KIF2C: variants seen among roughly 807,000 people sequenced by gnomAD.
KIF2C encodes the protein kinesin family member 2C.
A neutral mutation model predicts 97.4 loss-of-function variants in KIF2C; 34 were observed. That is an observed-to-expected ratio of 0.35 (90% CI 0.27 to 0.46). The LOEUF (loss-of-function observed/expected upper bound fraction) is 0.46. Ranked by LOEUF, KIF2C falls within the 20% of genes least tolerant of loss-of-function variation. KIF2C has a pLI of 1.00. For missense variants in KIF2C, 750 were observed against 907.6 expected, an observed-to-expected ratio of 0.83 and a Z score of 2.23; for synonymous variants, 313 against 318.2, an observed-to-expected ratio of 0.98 and a Z score of 0.17.
chr1:44,762,870 T>C (rs1650241666), intron 19 of KIF2C, among the ~76,000 whole-genome samples: 1 of 152,186 alleles, frequency 6.6e-6, no homozygotes, highest in East Asian at 1.9e-4. Flanking sequence ...CACATAGGCT[T>C]TCTGACATCA....
intron 17 of KIF2C, 175 bp downstream of exon 17, chr1:44,762,158 C>A: frequency 2.4e-6 from 2 of 834,612 alleles, no homozygotes; most frequent in Non-Finnish European, 4.1e-6. Context: ...CCTCTCCGGG[C>A]CCTGCTGGAG....
At chr1:44,752,900 C>T (rs1456543694) in intron 5 of KIF2C, among the ~76,000 whole-genome samples, 1 of 152,178 alleles carries the variant, frequency 6.6e-6, no homozygotes, top group Admixed American at 6.5e-5. Flanking sequence ...ATGTCAAAGC[C>T]CATACTGAAC....
chr1:44,758,968 G>A (rs1320784391), intron 13 of KIF2C: 1 of 527,986 alleles, frequency 1.9e-6, no homozygotes, highest in Non-Finnish European at 3.4e-6. Flanking sequence ...GGCTAGAGTG[G>A]TTATTAACTT....
intron 2 of KIF2C, among the ~76,000 whole-genome samples, chr1:44,741,452 G>C (rs548561068): frequency 3.1e-4 from 47 of 151,718 alleles, no homozygotes; most frequent in Non-Finnish European, 3.5e-4. Context: ...TGAGAGGCCT[G>C]GTCTGGAGGA....
In KIF2C at chr1:44,762,329, C is replaced by T. The variant is rs1205034686; in HGVS notation, c.1752-17C>T. On this transcript the variant is annotated splice_polypyrimidine_tract_variant and intron_variant, in intron 17 of 20. Coordinates refer to ENST00000372224, the MANE Select transcript of KIF2C (RefSeq NM_006845.4). ...CAAGGGGGTGCTGTGGGATCTGAGA[C>T]CTCCTTGTTTCCTCAGGGTCAAGGA... 3.1e-6 allele frequency: 5 copies of T among 1,599,430 alleles called. No individual in the cohort carries two copies. The highest frequency in any genetic ancestry group is 1.3e-5 in the African/African-American group (1 of 74,626).
At chr1:44,750,031 G>A (rs906423116) in intron 4 of KIF2C, among the ~76,000 whole-genome samples, 29 of 136,056 alleles carry the variant, frequency 2.1e-4, no homozygotes, top group African/African-American at 7.9e-4. Flanking sequence ...GCAGTGAGCC[G>A]AGATCGCGCC....
At chr1:44,748,158 G>C (rs1020821762) in intron 4 of KIF2C, among the ~76,000 whole-genome samples, 1 of 152,194 alleles carries the variant, frequency 6.6e-6, no homozygotes, top group Non-Finnish European at 1.5e-5. Flanking sequence ...TGGTCTAGGA[G>C]GTTGGGAGTC....
At position 44,760,407 on chromosome 1, in the gene KIF2C, G is replaced by A. The variant is rs372966561; in HGVS notation, c.1495G>A (p.Gly499Ser). The change falls in exon 15 of 21, where the codon GGC becomes AGC. Residue 499 changes from glycine (G) to serine (S), a missense_variant. Coordinates refer to ENST00000372224, the MANE Select transcript of KIF2C (RefSeq NM_006845.4). The surrounding 1 kb of genome is among the most constrained non-coding windows in gnomAD (Gnocchi z 4.2). ...GGTAGATCTGGCAGGGAATGAGCGA[G>A]GCGCGGACACTTCCAGTGCTGACCG... ...SLVDLAGNER[G>S]ADTSSADRQT... 22 of 1,614,124 alleles carry A rather than the reference G, an allele frequency of 1.4e-5. No individual in the cohort carries two copies. In the African/African-American group the frequency reaches 1.7e-4, roughly 13 times the overall value.
At chr1:44,746,584 G>C (rs1557589887) in intron 2 of KIF2C, 1 of 1,397,622 alleles carries the variant, frequency 7.2e-7, no homozygotes, top group Non-Finnish European at 9.3e-7. Context: ...AGGTGCTTGG[G>C]GGGCTGTGCC....
In KIF2C at chr1:44,754,769, C is replaced by A; in HGVS notation, c.683C>A (p.Pro228Gln). Residue 228 changes from proline (P) to glutamine (Q), a missense_variant, in exon 8 of 21, where the codon CCA becomes CAA. Physicochemically the swap from Pro to Gln is moderately conservative, Grantham distance 76. Coordinates refer to ENST00000372224, the MANE Select transcript of KIF2C (RefSeq NM_006845.4). ...AACCAGGAGTATGACAGTAGTTTTC[C>A]AAACTGGGAATTTGCCCGAATGATT... ...KRAQEYDSSF[P>Q]NWEFARMIKE... is the part of the protein sequence containing the mutation. 6.2e-7 allele frequency: 1 copy of A among 1,612,780 alleles called. No homozygotes were observed.
rs1189335421 is a variant in KIF2C at position 44,753,773 on chromosome 1, G to T, written c.603G>T (p.Met201Ile). ...KSCLVKEVEK[M>I]KNKREEKKAQ... Reference sequence around the variant, plus strand: ...GTCTTGTGAAGGAAGTGGAAAAAATGAAGAACAAGCGAGAAGAGAAGAAGG... The same window carrying T: ...GTCTTGTGAAGGAAGTGGAAAAAATTAAGAACAAGCGAGAAGAGAAGAAGG... Residue 201 changes from methionine to isoleucine, a missense_variant, in exon 7 of 21, where the codon ATG becomes ATT. Transcript: ENST00000372224. The T allele has an allele frequency of 3.1e-6, 5 of 1,611,862 alleles. No homozygotes were observed. The African/African-American group carries it at 6.7e-5, about 22-fold the overall frequency.
rs1237410355 is a variant in KIF2C at position 44,753,676 on chromosome 1, T to TA, written c.563-54dup. On this transcript the variant is annotated intron_variant, in intron 6 of 20. Transcript: ENST00000372224. ...ATAGCCAGAGAAGAGTAGGCTGGCT[T>TA]AAACTGGTAACAGAGTGGGCTTCCT... The TA allele has an allele frequency of 3.1e-6, 4 of 1,282,554 alleles. No homozygotes were observed. The African/African-American group carries it at 4.5e-5, about 15-fold the overall frequency. 79.4% of individuals were successfully genotyped at this position (1,282,554 alleles called of 1,614,324 possible). A position where few individuals can be genotyped will look rare whatever the true frequency, so the allele number is the denominator to read the frequency against.
chr1:44,754,652 A>G, intron 7 of KIF2C, 98 bp from the exon 8 acceptor site: 1 of 793,528 alleles, frequency 1.3e-6, no homozygotes, highest in Middle Eastern at 2.3e-4. Flanking sequence ...GACAACTATG[A>G]AGGGTGGTGA....
chr1:44,752,030 C>G (rs1649550776), intron 5 of KIF2C, among the ~76,000 whole-genome samples: 1 of 151,572 alleles, frequency 6.6e-6, no homozygotes, highest in Non-Finnish European at 1.5e-5. Flanking sequence ...CCATATTGGC[C>G]AGGCTGATCT....
At chr1:44,750,613 C>A in intron 5 of KIF2C, 49 bp downstream of exon 5, 1 of 1,440,606 alleles carries the variant, frequency 6.9e-7, no homozygotes, top group South Asian at 1.5e-5. Context: ...CCCTGGAGCA[C>A]ATTGCTTGGT....
chr1:44,764,077 G>T (rs1030178384), intron 19 of KIF2C, among the ~76,000 whole-genome samples: 1 of 151,898 alleles, frequency 6.6e-6, no homozygotes, highest in South Asian at 2.1e-4. Context: ...AACTGTGTCC[G>T]TGTTCATGGG....
At chr1:44,759,486 G>A (rs776745411) in intron 14 of KIF2C, 138 bp downstream of exon 14, 23 of 1,038,650 alleles carry the variant, frequency 2.2e-5, no homozygotes, top group South Asian at 5.9e-5. Context: ...TCTGCTTTAC[G>A]GGGTCTCAAT....
intron 17 of KIF2C, 111 bp downstream of exon 17, chr1:44,762,094 T>A: frequency 9.8e-7 from 1 of 1,017,324 alleles, no homozygotes; most frequent in Non-Finnish European, 1.6e-6. Context: ...TACTCCTCTG[T>A]GACTCTGAAC....
Position 44,753,806 on chromosome 1 carries a change from C to G in KIF2C, c.636C>G (p.Asn212Lys). The change falls in exon 7 of 21, where the codon AAC (asparagine) becomes AAG (lysine). Residue 212 changes from asparagine to lysine, a missense_variant. Physicochemically the swap from Asn to Lys is moderately conservative, Grantham distance 94. Transcript: ENST00000372224. ...AGCGAGAAGAGAAGAAGGCCCAGAA[C>G]TCTGAAATGAGAATGAAGAGAGCTC... ...KNKREEKKAQ[N>K]SEMRMKRAQE... The G allele has an allele frequency of 6.2e-7, 1 of 1,610,958 alleles. No homozygotes were observed. The highest frequency in any genetic ancestry group is 8.5e-7 in the Non-Finnish European group (1 of 1,178,598).
Sources: gnomAD v4.1 joint callset for allele counts (sites outside exome capture counted in the v4.1 genomes callset) on GRCh38, gnomAD v4.1.1 for gene constraint, Gnocchi (gnomAD v3.1) non-coding constraint, MANE v1.5 for transcripts, NCBI Gene and HGNC (gene_info 2026-07-23, HGNC 2026-07-21) for gene names.